The following TNKS variants were observed in gnomAD, a reference collection of about 807,000 sequenced individuals.
The protein encoded by TNKS is poly [ADP-ribose] polymerase tankyrase-1.
In TNKS, 72 loss-of-function variants were observed where a neutral mutation model predicts 135.8. The ratio of observed to expected loss-of-function variants is 0.53; its 90% confidence interval spans 0.44 to 0.64. TNKS has a LOEUF of 0.64. Among genes scored for constraint, TNKS ranks in the 30% least tolerant of loss-of-function variants. The pLI is 0.00. For synonymous variants in TNKS, 849 were observed against 649.3 expected (o/e 1.31, Z -4.68); for missense variants, 1,769 against 1,674.0 (o/e 1.06, Z -0.99).
intron 3 of TNKS, among the ~76,000 whole-genome samples, chr8:9,656,869 T>C (rs1381078295): frequency 2.1e-4 from 28 of 136,276 alleles, no homozygotes; most frequent in Non-Finnish European, 9.5e-5. Flanking sequence ...AAGCACATCT[T>C]GCACCGCCCT....
chr8:9,717,103 T>TATATATATATATATATATATATATA (rs1554476739), intron 11 of TNKS, among the ~76,000 whole-genome samples: 6 of 39,314 alleles, frequency 1.5e-4, no homozygotes, highest in East Asian at 7.3e-4. Flanking sequence ...ATATATATAT[T>TATATATATATATATATATATATATA]TTCAGGGAAT....
chr8:9,773,840 G>A (rs181453132), intron 26 of TNKS, among the ~76,000 whole-genome samples: 37 of 152,182 alleles, frequency 2.4e-4, no homozygotes, highest in Admixed American at 3.3e-4. Flanking sequence ...TAACTCTAGC[G>A]TCTGCTAATT....
At chr8:9,612,746 C>A (rs934765540) in intron 2 of TNKS, among the ~76,000 whole-genome samples, 1 of 152,170 alleles carries the variant, frequency 6.6e-6, no homozygotes, top group Admixed American at 6.5e-5. Context: ...GGGGTTAGGA[C>A]CGTTGAACAA....
intron 11 of TNKS, among the ~76,000 whole-genome samples, chr8:9,717,071 TAATATATATATATATATATATA>T (rs1298557302): frequency 7.3e-5 from 1 of 13,784 alleles, no homozygotes; most frequent in Non-Finnish European, 1.5e-4. Context: ...TGTTGTATTA[TAATATATATATATATATATATA>T]TATATATATT....
chr8:9,586,595 A>G (rs80137602), intron 2 of TNKS, among the ~76,000 whole-genome samples: 116 of 152,258 alleles, frequency 7.6e-4, no homozygotes, highest in African/African-American at 2.6e-3. Flanking sequence ...TAAAACTCAG[A>G]TTCATTCAGT....
At chr8:9,764,112 G>A (rs1052609548) in intron 22 of TNKS, among the ~76,000 whole-genome samples, 6 of 152,060 alleles carry the variant, frequency 3.9e-5, no homozygotes, top group African/African-American at 1.4e-4. Flanking sequence ...GGAGCAGTAA[G>A]GAAGAGAATT....
At chr8:9,767,615 T>C (rs1335843995) in intron 25 of TNKS, among the ~76,000 whole-genome samples, 21 of 152,136 alleles carry the variant, frequency 1.4e-4, no homozygotes, top group Admixed American at 1.3e-3. Flanking sequence ...TCGGATGTCA[T>C]ATACCCGGAA....
intron 25 of TNKS, 115 bp downstream of exon 25, chr8:9,766,540 G>A (rs544779153): frequency 4.2e-6 from 4 of 962,400 alleles, no homozygotes; most frequent in Admixed American, 6.7e-5. Context: ...AGGCTGGAGT[G>A]CGGTGGCACG....
At chr8:9,624,779 C>T (rs980532585) in intron 3 of TNKS, among the ~76,000 whole-genome samples, 1 of 151,952 alleles carries the variant, frequency 6.6e-6, no homozygotes, top group African/African-American at 2.4e-5. Context: ...TTCCAGGATC[C>T]CCTGAAGATG....
chr8:9,730,988 A>G lies in TNKS; in HGVS notation c.2100A>G (p.Val700=), dbSNP rs1235599019. The G allele has an allele frequency of 6.2e-7, 1 of 1,613,966 alleles. No homozygotes were observed. Among genetic ancestry groups the G allele is most frequent in the Non-Finnish European group, 8.5e-7 (1 of 1,179,896 alleles). Residue 700 remains valine (V), a synonymous_variant, in exon 14 of 27, where the codon GTA becomes GTG. Coordinates refer to ENST00000310430, the MANE Select transcript of TNKS (RefSeq NM_003747.3). ...FAAGYNRVSV[V]EYLLHHGADV... ...CAGGCTACAACCGCGTGTCTGTTGT[A>G]GAGTACCTGCTACACCACGGTGCCG...
At chr8:9,761,812 G>T (rs1009760684) in intron 21 of TNKS, among the ~76,000 whole-genome samples, 176 bp downstream of exon 21, 3 of 152,120 alleles carry the variant, frequency 2.0e-5, no homozygotes, top group African/African-American at 7.2e-5. Context: ...GGAAAAATCT[G>T]AGTCAGTCTT....
chr8:9,680,421 C>A (rs1381273271), intron 4 of TNKS, among the ~76,000 whole-genome samples: 2 of 151,826 alleles, frequency 1.3e-5, no homozygotes, highest in Non-Finnish European at 2.9e-5. Flanking sequence ...GTATTTTTAA[C>A]TCCAACGTTT....
chr8:9,755,511 TTTTTA>T (rs1230292793), intron 20 of TNKS, among the ~76,000 whole-genome samples: 1 of 152,224 alleles, frequency 6.6e-6, no homozygotes, highest in East Asian at 1.9e-4. Context: ...ATCAAATTTA[TTTTTA>T]TTTTAATTGC....
At chr8:9,712,746 C>T (rs550882926) in intron 11 of TNKS, among the ~76,000 whole-genome samples, 1 of 151,854 alleles carries the variant, frequency 6.6e-6, no homozygotes, top group South Asian at 2.1e-4. Flanking sequence ...AAAAAATAGC[C>T]AGATGTGGTG....
chr8:9,613,772 A>G (rs1445399954), intron 2 of TNKS, among the ~76,000 whole-genome samples: 4 of 152,246 alleles, frequency 2.6e-5, no homozygotes, highest in Non-Finnish European at 4.4e-5. Context: ...AATGGGCAAC[A>G]TATAGTAGTT....
At chr8:9,591,448 T>A (rs1798587459) in intron 2 of TNKS, among the ~76,000 whole-genome samples, 1 of 152,094 alleles carries the variant, frequency 6.6e-6, no homozygotes, top group Non-Finnish European at 1.5e-5. Context: ...TCCCTGAGAG[T>A]GGGATTGCTG....
At chr8:9,628,746 C>G (rs1287538872) in intron 3 of TNKS, among the ~76,000 whole-genome samples, 1 of 152,122 alleles carries the variant, frequency 6.6e-6, no homozygotes, top group African/African-American at 2.4e-5. Context: ...TTGCTCTGCC[C>G]TCTTCAGAGG....
chr8:9,699,971 G>C (rs1206275749), intron 5 of TNKS, among the ~76,000 whole-genome samples: 1 of 152,124 alleles, frequency 6.6e-6, no homozygotes, highest in Non-Finnish European at 1.5e-5. Context: ...TATTAACATG[G>C]ATTCTTCACA....
chr8:9,565,421 A>G (rs970608061), intron 1 of TNKS, among the ~76,000 whole-genome samples: 1 of 152,108 alleles, frequency 6.6e-6, no homozygotes, highest in South Asian at 2.1e-4. Context: ...CTTCTTTGGT[A>G]TATTTTCTTT....
Sources: allele counts gnomAD v4.1 joint callset (sites outside exome capture counted in the v4.1 genomes callset), GRCh38; gene constraint gnomAD v4.1.1; transcripts MANE v1.5; gene names NCBI Gene and HGNC (gene_info 2026-07-23, HGNC 2026-07-21).